NELL1: variants seen among roughly 807,000 people sequenced by gnomAD.
The protein encoded by NELL1 is protein kinase C-binding protein NELL1.
Under a neutral mutation model 107.4 loss-of-function variants are expected in NELL1, and 76 were observed. The ratio of observed to expected loss-of-function variants is 0.71; its 90% confidence interval spans 0.59 to 0.86. The LOEUF (loss-of-function observed/expected upper bound fraction) is 0.86. NELL1 is among the 40% of genes least tolerant of loss of function. The pLI is 0.00. For missense variants in NELL1, 1,024 were observed against 1,005.5 expected (o/e 1.02, Z -0.25); for synonymous variants, 353 against 341.2 (o/e 1.03, Z -0.38).
intron 15 of NELL1, among the ~76,000 whole-genome samples, chr11:21,491,875 G>A (rs1378310275): frequency 6.6e-6 from 1 of 151,938 alleles, no homozygotes; most frequent in Non-Finnish European, 1.5e-5. Context: ...TTATTTCATT[G>A]AGCAGTGGTT....
chr11:20,976,952 A>ATT lies in NELL1; in HGVS notation c.1300+16403_1300+16404dup, dbSNP rs59290283. 3.7e-3 allele frequency among the ~76,000 whole-genome samples: 541 copies of ATT among 147,086 alleles called. 3 individuals carry two copies. Among genetic ancestry groups the ATT allele is most frequent in the African/African-American group, 0.012 (503 of 40,334 alleles). ...CATAATTTACTGAACCTGTGTGCAA[A>ATT]TTTTTTTTTTTTGAATCATAATTAA... On this transcript the variant is annotated intron_variant, in intron 12 of 19. Transcript: ENST00000357134.
chr11:21,091,737 C>T (rs987401371), intron 12 of NELL1, among the ~76,000 whole-genome samples: 2 of 152,046 alleles, frequency 1.3e-5, no homozygotes, highest in African/African-American at 4.8e-5. Flanking sequence ...GTTAAAGATA[C>T]AGAAATGTAA....
At chr11:20,792,684 C>G (rs997230091) in intron 3 of NELL1, among the ~76,000 whole-genome samples, 14 of 151,850 alleles carry the variant, frequency 9.2e-5, no homozygotes, top group Non-Finnish European at 1.5e-4. Flanking sequence ...TAATGTTGAG[C>G]TATTTCTGAA....
chr11:20,975,666 T>C (rs1035584551), intron 12 of NELL1, among the ~76,000 whole-genome samples: 2 of 115,736 alleles, frequency 1.7e-5, no homozygotes, highest in Admixed American at 8.2e-5. Context: ...TTATATAATA[T>C]ACATATTATA....
At chr11:20,861,192 G>A (rs976107298) in intron 4 of NELL1, among the ~76,000 whole-genome samples, 2 of 152,174 alleles carry the variant, frequency 1.3e-5, no homozygotes, top group Non-Finnish European at 2.9e-5. Context: ...TTGCACAGAA[G>A]TGGTCATTAT....
chr11:21,550,842 A>G (rs1415519352), intron 16 of NELL1, among the ~76,000 whole-genome samples: 8 of 151,754 alleles, frequency 5.3e-5, no homozygotes, highest in Non-Finnish European at 1.2e-4. Flanking sequence ...TTGGTTCCAT[A>G]TGAACTTTAA....
At chr11:21,462,405 TG>T (rs1196177678) in intron 15 of NELL1, among the ~76,000 whole-genome samples, 1 of 152,084 alleles carries the variant, frequency 6.6e-6, no homozygotes, top group Non-Finnish European at 1.5e-5. Context: ...TTTATGGTTT[TG>T]GGAGTTTAAG....
chr11:21,122,909 T>C (rs1855401474), intron 13 of NELL1, among the ~76,000 whole-genome samples: 1 of 152,206 alleles, frequency 6.6e-6, no homozygotes, highest in African/African-American at 2.4e-5. Flanking sequence ...AATAGTTAAT[T>C]CAGCTGCTCC....
intron 14 of NELL1, among the ~76,000 whole-genome samples, chr11:21,269,757 C>A (rs927636732): frequency 3.3e-5 from 5 of 151,956 alleles, no homozygotes; most frequent in East Asian, 3.9e-4. Flanking sequence ...AGAGCATCAG[C>A]GAAAGAATTA....
At chr11:21,533,032 A>G (rs945256893) in intron 15 of NELL1, among the ~76,000 whole-genome samples, 1 of 152,202 alleles carries the variant, frequency 6.6e-6, no homozygotes, top group Admixed American at 6.5e-5. Context: ...AAGATCCTAT[A>G]CAAATATTAG....
intron 3 of NELL1, among the ~76,000 whole-genome samples, chr11:20,822,819 A>G (rs1215311603): frequency 1.3e-5 from 2 of 152,224 alleles, no homozygotes; most frequent in Non-Finnish European, 2.9e-5. Context: ...TGGTAAGATC[A>G]TTGGAAGTCT....
intron 13 of NELL1, among the ~76,000 whole-genome samples, chr11:21,152,293 C>T (rs760652201): frequency 2.0e-5 from 3 of 152,250 alleles, no homozygotes; most frequent in East Asian, 1.9e-4. Flanking sequence ...ATTCTCTCCT[C>T]GCCACCTTCA....
chr11:20,864,008 T>C (rs1849046510), intron 4 of NELL1, among the ~76,000 whole-genome samples: 1 of 151,926 alleles, frequency 6.6e-6, no homozygotes, highest in Non-Finnish European at 1.5e-5. Flanking sequence ...CTCGGCAGGC[T>C]GAGGCAGGAG....
chr11:20,682,396 T>A (rs191120760), intron 2 of NELL1, among the ~76,000 whole-genome samples: 6,601 of 151,464 alleles, frequency 0.044, 510 homozygotes, highest in African/African-American at 0.15. Context: ...TTACTTTTTT[T>A]AAAAAACAAG....
At chr11:20,789,298 A>C (rs1215183978) in intron 3 of NELL1, among the ~76,000 whole-genome samples, 4 of 152,208 alleles carry the variant, frequency 2.6e-5, no homozygotes, top group African/African-American at 7.2e-5. Flanking sequence ...TGGCCCCTGC[A>C]CATTCAGATA....
At chr11:21,153,176 A>G (rs1371169717) in intron 13 of NELL1, among the ~76,000 whole-genome samples, 2 of 152,162 alleles carry the variant, frequency 1.3e-5, no homozygotes, top group African/African-American at 2.4e-5. Context: ...TATAAATCAT[A>G]AAATTGCTAG....
At chr11:21,415,531 T>C (rs974944828) in intron 15 of NELL1, among the ~76,000 whole-genome samples, 1 of 152,096 alleles carries the variant, frequency 6.6e-6, no homozygotes, top group Non-Finnish European at 1.5e-5. Context: ...TAGATCATTG[T>C]TTCTTGTGTT....
At chr11:21,520,042 G>A (rs1415346096) in intron 15 of NELL1, among the ~76,000 whole-genome samples, 2 of 152,300 alleles carry the variant, frequency 1.3e-5, no homozygotes, top group South Asian at 2.1e-4. Flanking sequence ...AATAGGAGAA[G>A]AGAGATATGG....
At chr11:20,977,695 C>T (rs1255077025) in intron 12 of NELL1, among the ~76,000 whole-genome samples, 2 of 152,198 alleles carry the variant, frequency 1.3e-5, no homozygotes, top group African/African-American at 4.8e-5. Flanking sequence ...TCCAAGATGT[C>T]AGAGATTTTT....
Sources: gnomAD v4.1 joint callset for allele counts (sites outside exome capture counted in the v4.1 genomes callset) on GRCh38, gnomAD v4.1.1 for gene constraint, MANE v1.5 for transcripts, NCBI Gene and HGNC (gene_info 2026-07-23, HGNC 2026-07-21) for gene names.